ATP2C2: variants seen among roughly 807,000 people sequenced by gnomAD.
ATP2C2 encodes the protein ATPase secretory pathway Ca2+ transporting 2.
Under a neutral mutation model 110.8 loss-of-function variants are expected in ATP2C2, and 171 were observed. The observed-to-expected ratio is 1.54, with a 90% CI of 1.36 to 1.75. ATP2C2 has a LOEUF of 1.75. ATP2C2 is among the 40% of genes most tolerant of loss of function. ATP2C2 has a pLI of 0.00. For synonymous variants in ATP2C2, 804 were observed against 508.4 expected, an observed-to-expected ratio of 1.58 and a Z score of -7.82; for missense variants, 1,963 against 1,235.0, an observed-to-expected ratio of 1.59 and a Z score of -8.84.
chr16:84,420,973 T>C lies in ATP2C2; in HGVS notation c.625-1417T>C, dbSNP rs532188879. ...GGCGCCTGCCCCCATACCCGGCTAA[T>C]TCTTGTATTTTTAGTAGAGACAGGG... On this transcript the variant is annotated intron_variant, in intron 7 of 26. Coordinates refer to ENST00000262429, the MANE Select transcript of ATP2C2 (RefSeq NM_014861.4). Among the ~76,000 whole-genome samples, 27 of 152,138 alleles carry C rather than the reference T, an allele frequency of 1.8e-4. No individual in the cohort carries two copies. The South Asian group carries it at 5.2e-3, about 29-fold the overall frequency.
At chr16:84,402,831 C>A (rs546845225) in intron 2 of ATP2C2, among the ~76,000 whole-genome samples, 3 of 152,260 alleles carry the variant, frequency 2.0e-5, no homozygotes, top group African/African-American at 7.2e-5. Context: ...CCCTACTCAT[C>A]TGTTTTTTGG....
At chr16:84,449,420 C>A (rs577110840) in intron 17 of ATP2C2, among the ~76,000 whole-genome samples, 1 of 152,196 alleles carries the variant, frequency 6.6e-6, no homozygotes, top group East Asian at 1.9e-4. Context: ...GCACTTTGCC[C>A]CCCCAAATGG....
Position 84,463,941 on chromosome 16 carries a change from G to C in ATP2C2, c.*209G>C. 1.1e-5 allele frequency: 6 copies of C among 558,904 alleles called. No homozygotes were observed. In the South Asian group the frequency reaches 1.4e-4, roughly 13 times the overall value. 34.6% of individuals were successfully genotyped at this position (558,904 alleles called of 1,614,324 possible). ...CAGCGTTCCCGCTGGCTGTGGGACA[G>C]ACAGGGAGGGGCCTGTACAGAAACA... On this transcript the variant is annotated 3_prime_UTR_variant, in exon 27 of 27. Coordinates refer to ENST00000262429, the MANE Select transcript of ATP2C2 (RefSeq NM_014861.4).
intron 11 of ATP2C2, 180 bp from the exon 12 acceptor site, chr16:84,438,986 C>T: frequency 5.8e-6 from 5 of 857,472 alleles, no homozygotes; most frequent in Non-Finnish European, 8.8e-6. Context: ...GGGGAGGGCT[C>T]AGGACAGTGG....
intron 4 of ATP2C2, among the ~76,000 whole-genome samples, chr16:84,409,390 G>A (rs939428796): frequency 6.6e-6 from 1 of 152,100 alleles, no homozygotes; most frequent in Non-Finnish European, 1.5e-5. Flanking sequence ...CGTGGCATAT[G>A]TATACCTATG....
chr16:84,395,573 ACT>A (rs1904922068), intron 1 of ATP2C2, among the ~76,000 whole-genome samples: 1 of 149,720 alleles, frequency 6.7e-6, no homozygotes, highest in East Asian at 1.9e-4. Flanking sequence ...ATTCTCCCTG[ACT>A]CTGGCTCATT....
intron 1 of ATP2C2, among the ~76,000 whole-genome samples, chr16:84,385,142 G>A (rs1287981309): frequency 1.3e-5 from 2 of 152,142 alleles, no homozygotes; most frequent in Admixed American, 1.3e-4. Flanking sequence ...AGGCTGTACA[G>A]GAAGCACAGT....
At chr16:84,452,654 G>A (rs1225424064) in intron 18 of ATP2C2, among the ~76,000 whole-genome samples, 4 of 151,694 alleles carry the variant, frequency 2.6e-5, no homozygotes, top group Non-Finnish European at 5.9e-5. Flanking sequence ...ACCCACCACC[G>A]CGCCCAGCTA....
chr16:84,403,953 A>G (rs1365368829), intron 2 of ATP2C2, among the ~76,000 whole-genome samples: 1 of 152,130 alleles, frequency 6.6e-6, no homozygotes, highest in Non-Finnish European at 1.5e-5. Flanking sequence ...GGCCTCCCAA[A>G]GCGCTGGGAT....
intron 4 of ATP2C2, among the ~76,000 whole-genome samples, chr16:84,410,306 A>C (rs1906159253): frequency 1.3e-5 from 2 of 152,144 alleles, no homozygotes; most frequent in African/African-American, 4.8e-5. Context: ...ATATGTCCAG[A>C]TTATAAGATG....
intron 16 of ATP2C2, among the ~76,000 whole-genome samples, chr16:84,447,162 T>TTCTAGAA (rs1339385424): frequency 2.0e-5 from 3 of 152,196 alleles, no homozygotes; most frequent in Non-Finnish European, 2.9e-5. Flanking sequence ...CTCCCACTCT[T>TTCTAGAA]TCTAGAATCT....
intron 1 of ATP2C2, among the ~76,000 whole-genome samples, chr16:84,382,420 C>G (rs1910631535): frequency 6.6e-6 from 1 of 152,200 alleles, no homozygotes; most frequent in Non-Finnish European, 1.5e-5. Context: ...ACAGAAACCT[C>G]CCCACCCCCT....
intron 11 of ATP2C2, among the ~76,000 whole-genome samples, chr16:84,430,034 T>C (rs1908128628): frequency 6.6e-6 from 1 of 152,204 alleles, no homozygotes; most frequent in South Asian, 2.1e-4. Flanking sequence ...CTCTTCTTTT[T>C]ATAAGGACGC....
intron 17 of ATP2C2, among the ~76,000 whole-genome samples, chr16:84,451,412 T>G (rs1407366581): frequency 1.3e-5 from 2 of 152,222 alleles, no homozygotes; most frequent in Non-Finnish European, 2.9e-5. Context: ...TGTTTCTGGC[T>G]TCCTTCTCCA....
At chr16:84,388,080 C>T (rs1328672891) in intron 1 of ATP2C2, among the ~76,000 whole-genome samples, 3 of 152,126 alleles carry the variant, frequency 2.0e-5, no homozygotes, top group African/African-American at 7.2e-5. Context: ...GCCTGTCATC[C>T]CAGCACTTTG....
intron 15 of ATP2C2, among the ~76,000 whole-genome samples, chr16:84,443,613 C>T (rs1909469996): frequency 6.6e-6 from 1 of 152,186 alleles, no homozygotes; most frequent in African/African-American, 2.4e-5. Context: ...AAGTTCACTC[C>T]AGTTTCCACC....
At chr16:84,421,817 A>C (rs1037978672) in intron 7 of ATP2C2, among the ~76,000 whole-genome samples, 1 of 152,184 alleles carries the variant, frequency 6.6e-6, no homozygotes, top group African/African-American at 2.4e-5. Flanking sequence ...AGAGTCTTCC[A>C]TTGGGGGTGG....
intron 1 of ATP2C2, among the ~76,000 whole-genome samples, chr16:84,374,017 T>C (rs1483902513): frequency 6.6e-6 from 1 of 152,244 alleles, no homozygotes; most frequent in African/African-American, 2.4e-5. Flanking sequence ...AAGGCTGTCA[T>C]CTGATAACCG....
At chr16:84,389,107 G>C (rs1904495563) in intron 1 of ATP2C2, among the ~76,000 whole-genome samples, 2 of 152,172 alleles carry the variant, frequency 1.3e-5, no homozygotes, top group African/African-American at 2.4e-5. Flanking sequence ...ACTAGGCCCA[G>C]GGTTCTTTCT....
Sources: gnomAD v4.1 joint callset for allele counts (sites outside exome capture counted in the v4.1 genomes callset) on GRCh38, gnomAD v4.1.1 for gene constraint, MANE v1.5 for transcripts, NCBI Gene and HGNC (gene_info 2026-07-23, HGNC 2026-07-21) for gene names.